Variants in CDK13 observed in about 807,000 individuals in gnomAD.
CDK13 encodes cyclin dependent kinase 13.
CDK13 carries 40 observed loss-of-function variants against 137.6 expected under a neutral mutation model. That is an observed-to-expected ratio of 0.29 (90% CI 0.23 to 0.38). The LOEUF (loss-of-function observed/expected upper bound fraction) is 0.38. Ranked by LOEUF, CDK13 falls within the 10% of genes least tolerant of loss-of-function variation. The pLI, the probability that CDK13 is intolerant of heterozygous loss-of-function variation, is 1.00. For synonymous variants in CDK13, 869 were observed against 760.1 expected, an observed-to-expected ratio of 1.14 and a Z score of -2.36; for missense variants, 1,704 against 1,951.8, an observed-to-expected ratio of 0.87 and a Z score of 2.39.
Position 39,951,724 on chromosome 7 carries a change from C to T in CDK13, c.1083C>T (p.Pro361=), listed in dbSNP as rs779681796. ...YSRRLPRSPS[P]YSRRRSPSYS... ...GGCGGCTGCCGCGCTCCCCGAGCCC[C>T]TACAGTCGCCGCCGCTCCCCCAGCT... Residue 361 remains proline (P), a synonymous_variant, in exon 1 of 14, where the codon CCC becomes CCT. Coordinates refer to ENST00000181839, the MANE Select transcript of CDK13 (RefSeq NM_003718.5). 2 of 1,488,908 alleles carry T rather than the reference C, an allele frequency of 1.3e-6. No homozygotes were observed. The highest frequency in any genetic ancestry group is 1.8e-6 in the Non-Finnish European group (2 of 1,130,622). 92.2% of individuals were successfully genotyped at this position (1,488,908 alleles called of 1,614,324 possible). A position where few individuals can be genotyped will look rare whatever the true frequency, so the allele number is the denominator to read the frequency against.
intron 1 of CDK13, chr7:39,987,242 A>G (rs1380092087): frequency 5.8e-6 from 1 of 171,032 alleles, no homozygotes; most frequent in African/African-American, 2.4e-5. Context: ...AGATGTGGCA[A>G]CTGTCTCCTG....
At chr7:40,055,735 T>C (rs908528098) in intron 7 of CDK13, among the ~76,000 whole-genome samples, 5 of 151,888 alleles carry the variant, frequency 3.3e-5, no homozygotes, top group Middle Eastern at 3.4e-3. Context: ...TGCACCGTGA[T>C]ACCTGGCTAA....
intron 11 of CDK13, among the ~76,000 whole-genome samples, chr7:40,083,721 A>G (rs139458861): frequency 3.1e-3 from 472 of 152,322 alleles, no homozygotes; most frequent in African/African-American, 0.011. Flanking sequence ...TTAAAAACAA[A>G]CATGTTAAAA....
intron 5 of CDK13, among the ~76,000 whole-genome samples, chr7:40,009,341 C>T (rs931912396): frequency 3.3e-5 from 5 of 152,114 alleles, no homozygotes; most frequent in African/African-American, 1.2e-4. Flanking sequence ...ATTATAGTTC[C>T]TTCTATTGAA....
At chr7:39,985,853 T>C (rs963009580) in intron 1 of CDK13, 12 of 152,276 alleles carry the variant, frequency 7.9e-5, no homozygotes, top group African/African-American at 2.4e-4. Flanking sequence ...TACAGTGTTA[T>C]TGGAGTCTCT....
At position 40,022,559 on chromosome 7, in the gene CDK13, A is replaced by G. The variant is rs78012873; in HGVS notation, c.2353+20528A>G. Reference sequence around the variant, plus strand: ...CCAATTATATACCAAACATTGTTCTAGGTGTTTGGAATAGACAAGGTAGAC... The same window carrying G: ...CCAATTATATACCAAACATTGTTCTGGGTGTTTGGAATAGACAAGGTAGAC... On this transcript the variant is annotated intron_variant, in intron 5 of 13. Coordinates refer to ENST00000181839, the MANE Select transcript of CDK13 (RefSeq NM_003718.5). 3.2e-4 allele frequency among the ~76,000 whole-genome samples: 49 copies of G among 151,326 alleles called. No homozygotes were observed. In the East Asian group the frequency reaches 9.4e-3, roughly 29 times the overall value.
At chr7:39,985,349 A>G (rs561141157) in intron 1 of CDK13, 3 of 159,648 alleles carry the variant, frequency 1.9e-5, no homozygotes, top group African/African-American at 7.2e-5. Context: ...TATATGTACC[A>G]CATTTTCTTT....
At chr7:40,017,392 G>A (rs6964473) in intron 5 of CDK13, among the ~76,000 whole-genome samples, 16,805 of 152,028 alleles carry the variant, frequency 0.11, 3,058 homozygotes, top group African/African-American at 0.38. Flanking sequence ...TTATAAGGAA[G>A]TTTATTCAAT....
chr7:39,974,917 T>C (rs1480172768), intron 1 of CDK13, among the ~76,000 whole-genome samples: 2 of 152,192 alleles, frequency 1.3e-5, no homozygotes, highest in South Asian at 2.1e-4. Context: ...GAACCTCAAA[T>C]ACAATGTTGA....
chr7:40,049,988 G>T (rs1027319327), intron 7 of CDK13, among the ~76,000 whole-genome samples: 3 of 150,048 alleles, frequency 2.0e-5, no homozygotes, highest in African/African-American at 4.9e-5. Flanking sequence ...GTTTTGTTTT[G>T]TTTTTTTTTG....
At chr7:40,044,477 C>T (rs1785689199) in intron 5 of CDK13, among the ~76,000 whole-genome samples, 1 of 151,924 alleles carries the variant, frequency 6.6e-6, no homozygotes, top group Admixed American at 6.6e-5. Flanking sequence ...CACCACCACG[C>T]CAGGCTAATT....
At position 40,077,362 on chromosome 7, in the gene CDK13, A is replaced by C. The variant is rs576656372; in HGVS notation, c.2781-643A>C. Among the ~76,000 whole-genome samples the C allele has an allele frequency of 1.4e-3, 210 of 152,238 alleles. No individual in the cohort carries two copies. In the South Asian group the frequency reaches 0.019, roughly 14 times the overall value. ...AAAAACCAGAGAGGGACATATATTC[A>C]ACTCTAGTTCCTTAATTTATGGGCA... On this transcript the variant is annotated intron_variant, in intron 9 of 13. Coordinates refer to ENST00000181839, the MANE Select transcript of CDK13 (RefSeq NM_003718.5).
In CDK13 at chr7:39,971,830, C is replaced by T. The variant is rs1784005479; in HGVS notation, c.1212-15769C>T. On this transcript the variant is annotated intron_variant, in intron 1 of 13. Transcript: ENST00000181839. The stretch of plus-strand genomic sequence containing the variant: ...CCTGGGAGGTGGAGCTTGCAATGAG[C>T]TGAGATTGCACCACTGCCTGGGCAA... 1.3e-5 allele frequency among the ~76,000 whole-genome samples: 2 copies of T among 151,962 alleles called. 1 individual carries two copies. The highest frequency in any genetic ancestry group is 4.2e-4 in the South Asian group (2 of 4,812).
intron 10 of CDK13, 136 bp from the exon 11 acceptor site, chr7:40,078,584 A>T (rs1225553562): frequency 1.3e-5 from 5 of 392,270 alleles, no homozygotes; most frequent in Non-Finnish European, 2.1e-5. Flanking sequence ...TGCACATATT[A>T]AAAAAGTATT....
At chr7:39,983,445 A>G (rs551817588) in intron 1 of CDK13, among the ~76,000 whole-genome samples, 4 of 152,272 alleles carry the variant, frequency 2.6e-5, no homozygotes, top group Admixed American at 2.6e-4. Flanking sequence ...TATAGAACAA[A>G]AGTTTTCTGA....
intron 7 of CDK13, among the ~76,000 whole-genome samples, chr7:40,054,361 AAAT>A (rs1308896489): frequency 2.0e-5 from 3 of 152,226 alleles, no homozygotes; most frequent in African/African-American, 7.2e-5. Flanking sequence ...TATAAACAAA[AAAT>A]ATTTTGATAG....
intron 5 of CDK13, among the ~76,000 whole-genome samples, chr7:40,039,355 G>C (rs1335287874): frequency 2.7e-5 from 4 of 150,860 alleles, no homozygotes; most frequent in African/African-American, 9.8e-5. Flanking sequence ...TGCAACCTCC[G>C]CCTCCTGGCT....
At chr7:39,966,706 CA>C (rs1395581099) in intron 1 of CDK13, among the ~76,000 whole-genome samples, 1 of 152,112 alleles carries the variant, frequency 6.6e-6, no homozygotes, top group Non-Finnish European at 1.5e-5. Context: ...TTAGATTTTT[CA>C]GTTTTTCCGC....
chr7:39,991,510 TGTG>T, intron 2 of CDK13, among the ~76,000 whole-genome samples: 1 of 151,962 alleles, frequency 6.6e-6, no homozygotes, highest in Non-Finnish European at 1.5e-5. Flanking sequence ...TGTGTGTGTG[TGTG>T]TGTGTGTGTG....
Sources: allele counts gnomAD v4.1 joint callset (sites outside exome capture counted in the v4.1 genomes callset), GRCh38; gene constraint gnomAD v4.1.1; transcripts MANE v1.5; gene names NCBI Gene and HGNC (gene_info 2026-07-23, HGNC 2026-07-21).